The following ERC2 variants were observed in gnomAD, a reference collection of about 807,000 sequenced individuals.
ERC2 encodes the protein ERC protein 2.
In ERC2, 42 loss-of-function variants were observed where a neutral mutation model predicts 114.8. The observed-to-expected ratio is 0.37, with a 90% CI of 0.29 to 0.47. ERC2 has a LOEUF of 0.47. Ranked by LOEUF, ERC2 falls within the 20% of genes least tolerant of loss-of-function variation. The pLI is 0.99. For synonymous variants in ERC2, 454 were observed against 425.5 expected, an observed-to-expected ratio of 1.07 and a Z score of -0.82; for missense variants, 939 against 1,150.7, an observed-to-expected ratio of 0.82 and a Z score of 2.66.
At chr3:56,423,899 T>C (rs1011529620) in intron 2 of ERC2, among the ~76,000 whole-genome samples, 49 of 152,238 alleles carry the variant, frequency 3.2e-4, no homozygotes, top group Non-Finnish European at 5.4e-4. Flanking sequence ...AAACCACTTA[T>C]TGAGTCCAAA....
chr3:55,924,676 T>G (rs2065646220), intron 13 of ERC2, among the ~76,000 whole-genome samples: 1 of 151,814 alleles, frequency 6.6e-6, no homozygotes, highest in Admixed American at 6.6e-5. Flanking sequence ...AGAAATGCTG[T>G]GGGGAGAGGG....
chr3:55,930,796 C>G (rs568783646), intron 13 of ERC2, among the ~76,000 whole-genome samples: 85 of 152,070 alleles, frequency 5.6e-4, no homozygotes, highest in Non-Finnish European at 1.0e-3. Flanking sequence ...GCAAAAGAAA[C>G]TACCATCACA....
intron 7 of ERC2, among the ~76,000 whole-genome samples, chr3:56,022,555 TA>T (rs1044498404): frequency 1.3e-5 from 2 of 152,014 alleles, no homozygotes; most frequent in Non-Finnish European, 1.5e-5. Flanking sequence ...CTGTATCTTT[TA>T]AAAAAAAGTA....
chr3:55,765,087 A>C (rs1482071381), intron 14 of ERC2, among the ~76,000 whole-genome samples: 1 of 152,190 alleles, frequency 6.6e-6, no homozygotes, highest in Non-Finnish European at 1.5e-5. Flanking sequence ...CAATGTCAGA[A>C]AAATAGGTCA....
At chr3:56,217,043 G>C (rs1042768087) in intron 3 of ERC2, among the ~76,000 whole-genome samples, 1 of 152,058 alleles carries the variant, frequency 6.6e-6, no homozygotes, top group South Asian at 2.1e-4. Context: ...TCATACTGAA[G>C]GGGCAAAAAC....
At chr3:56,089,437 T>C (rs190646405) in intron 6 of ERC2, among the ~76,000 whole-genome samples, 45 of 152,292 alleles carry the variant, frequency 3.0e-4, no homozygotes, top group Non-Finnish European at 5.4e-4. Flanking sequence ...CATTTTTTAA[T>C]AGCCCCATTT....
At chr3:55,877,080 A>G (rs998327061) in intron 14 of ERC2, among the ~76,000 whole-genome samples, 1 of 152,228 alleles carries the variant, frequency 6.6e-6, no homozygotes, top group African/African-American at 2.4e-5. Context: ...AAGAAACACC[A>G]GTATAAAAAA....
intron 1 of ERC2, among the ~76,000 whole-genome samples, chr3:56,442,799 A>G (rs2062380635): frequency 6.6e-6 from 1 of 152,248 alleles, no homozygotes; most frequent in Admixed American, 6.5e-5. Context: ...CTCATGCAAT[A>G]AATACTTTTT....
intron 7 of ERC2, among the ~76,000 whole-genome samples, chr3:56,026,862 C>A (rs957381484): frequency 7.9e-5 from 12 of 152,038 alleles, no homozygotes; most frequent in African/African-American, 2.4e-4. Flanking sequence ...GCAATTGTAC[C>A]ACATGTGTAG....
rs1286004034 is a variant in ERC2 at position 56,296,121 on chromosome 3, A to G, written c.972T>C (p.Asp324=). The change falls in exon 3 of 18, where the codon GAT becomes GAC. Residue 324 remains aspartate, a synonymous_variant. Transcript: ENST00000288221. ...SKGLPSKSLE[D]DNERTRRMAE... ...CCATCCGCCGCGTTCGCTCATTGTCATCCTCCAGGCTTTTGGATGGCAAGC... is the reference window on the plus strand; with the variant it reads ...CCATCCGCCGCGTTCGCTCATTGTCGTCCTCCAGGCTTTTGGATGGCAAGC... 1.9e-6 allele frequency: 3 copies of G among 1,613,906 alleles called. No individual in the cohort carries two copies. The South Asian group carries it at 3.3e-5, about 18-fold the overall frequency.
chr3:56,164,964 TTTTC>T (rs1166758324), intron 4 of ERC2, among the ~76,000 whole-genome samples: 2 of 152,190 alleles, frequency 1.3e-5, no homozygotes, highest in East Asian at 1.9e-4. Flanking sequence ...ATGAATTATT[TTTTC>T]TTTATTTTTA....
At chr3:55,803,252 A>T (rs929276394) in intron 14 of ERC2, among the ~76,000 whole-genome samples, 1 of 152,218 alleles carries the variant, frequency 6.6e-6, no homozygotes, top group East Asian at 1.9e-4. Flanking sequence ...GTAAAATTAC[A>T]TAATTAAAAT....
chr3:55,817,753 T>C (rs962129007), intron 14 of ERC2, among the ~76,000 whole-genome samples: 7 of 152,202 alleles, frequency 4.6e-5, no homozygotes, highest in Admixed American at 4.6e-4. Flanking sequence ...CATTTTATAG[T>C]ATCCGTTCAT....
chr3:56,066,070 G>A (rs1294167580), intron 7 of ERC2, among the ~76,000 whole-genome samples: 1 of 152,052 alleles, frequency 6.6e-6, no homozygotes, highest in Non-Finnish European at 1.5e-5. Context: ...ACCCAGTAAT[G>A]GGATTACTGG....
chr3:55,876,580 G>A (rs75768288), intron 14 of ERC2, among the ~76,000 whole-genome samples: 46 of 152,328 alleles, frequency 3.0e-4, no homozygotes, highest in Non-Finnish European at 5.1e-4. Context: ...AGTAAAAGGG[G>A]CTGTTATAAT....
intron 13 of ERC2, among the ~76,000 whole-genome samples, chr3:55,899,889 C>G (rs1032071976): frequency 6.6e-5 from 10 of 152,228 alleles, no homozygotes; most frequent in African/African-American, 2.2e-4. Context: ...CCAATTTCAA[C>G]TAAGAAAGAT....
At chr3:55,660,295 C>T (rs529708973) in intron 17 of ERC2, among the ~76,000 whole-genome samples, 5 of 152,288 alleles carry the variant, frequency 3.3e-5, no homozygotes, top group Admixed American at 6.5e-5. Context: ...GGCTCCTGAT[C>T]TTTATGTCCA....
chr3:56,463,406 C>G (rs902913235), intron 1 of ERC2, among the ~76,000 whole-genome samples: 2 of 152,182 alleles, frequency 1.3e-5, no homozygotes, highest in Non-Finnish European at 2.9e-5. Flanking sequence ...AGCCTCCACC[C>G]AAAAACTTCC....
chr3:55,749,295 T>C (rs1015380758), intron 14 of ERC2, among the ~76,000 whole-genome samples: 1 of 152,150 alleles, frequency 6.6e-6, no homozygotes, highest in Non-Finnish European at 1.5e-5. Flanking sequence ...ACCATCTATC[T>C]CCCTGGACAA....
Sources: allele counts gnomAD v4.1 joint callset (sites outside exome capture counted in the v4.1 genomes callset), GRCh38; gene constraint gnomAD v4.1.1; transcripts MANE v1.5; gene names NCBI Gene and HGNC (gene_info 2026-07-23, HGNC 2026-07-21).